CSMD1: variants seen among roughly 807,000 people sequenced by gnomAD.
CSMD1 encodes CUB and Sushi multiple domains 1, also known as CUB and sushi domain-containing protein 1.
Under a neutral mutation model 417.5 loss-of-function variants are expected in CSMD1, and 213 were observed. The ratio of observed to expected loss-of-function variants is 0.51; its 90% CI spans 0.46 to 0.57. The LOEUF (loss-of-function observed/expected upper bound fraction) is 0.57. Ranked by LOEUF, CSMD1 falls within the 20% of genes least tolerant of loss-of-function variation. The pLI, the probability that CSMD1 is intolerant of heterozygous loss-of-function variation, is 0.00. For missense variants in CSMD1, 6,923 were observed against 4,529.7 expected (o/e 1.53, Z -15.17); for synonymous variants, 2,862 against 1,736.8 (o/e 1.65, Z -16.11).
intron 1 of CSMD1, among the ~76,000 whole-genome samples, chr8:4,841,753 A>T (rs1277708881): frequency 6.6e-6 from 1 of 151,842 alleles, no homozygotes; most frequent in Non-Finnish European, 1.5e-5. Flanking sequence ...TCTACTAAAA[A>T]TACAAAAATT....
rs765251491 is a variant in CSMD1, at chr8:3,927,428, G to C, written c.818+70475C>G. ...CTACCTGTGGTCCCAACACTTTGTGGTGCCGAGGCAGGTGGATCACAAGGT... is the reference window on the plus strand; with the variant it reads ...CTACCTGTGGTCCCAACACTTTGTGCTGCCGAGGCAGGTGGATCACAAGGT... On this transcript the variant is annotated intron_variant, in intron 5 of 69. Transcript: ENST00000635120. Among the ~76,000 whole-genome samples, 64 of 151,888 alleles carry C rather than the reference G, an allele frequency of 4.2e-4. 1 individual carries two copies. Among genetic ancestry groups the C allele is most frequent in the Admixed American group, 9.9e-4 (15 of 15,204 alleles).
chr8:4,058,474 C>A (rs1386103082), intron 3 of CSMD1, among the ~76,000 whole-genome samples: 2 of 152,172 alleles, frequency 1.3e-5, no homozygotes, highest in African/African-American at 4.8e-5. Context: ...ATCACGTCAT[C>A]TGCAAACAGG....
chr8:3,777,782 C>T (rs1798971294), intron 5 of CSMD1, among the ~76,000 whole-genome samples: 1 of 93,534 alleles, frequency 1.1e-5, no homozygotes, highest in Admixed American at 9.2e-5. Context: ...CCACTCCAGA[C>T]CCACAGCCTC....
At position 3,900,508 on chromosome 8, in the gene CSMD1, G is replaced by A. The variant is rs1414726858; in HGVS notation, c.818+97395C>T. Among the ~76,000 whole-genome samples the A allele has an allele frequency of 1.1e-4, 17 of 149,468 alleles. 1 individual carries two copies. The highest frequency in any genetic ancestry group is 4.2e-4 in the African/African-American group (17 of 40,488). On this transcript the variant is annotated intron_variant, in intron 5 of 69. Transcript: ENST00000635120. ...TTGACAGTGTAGCTGGGTGACAGTA[G>A]AGCTGGATGACACTACAGCTGGGTG...
chr8:4,038,060 C>T (rs1425393116), intron 3 of CSMD1, among the ~76,000 whole-genome samples: 1 of 151,898 alleles, frequency 6.6e-6, no homozygotes, highest in Admixed American at 6.6e-5. Flanking sequence ...AAAATTAATT[C>T]AAAAAGTTTG....
intron 1 of CSMD1, among the ~76,000 whole-genome samples, chr8:4,973,087 C>A (rs1395683331): frequency 6.6e-6 from 1 of 152,016 alleles, no homozygotes; most frequent in Non-Finnish European, 1.5e-5. Context: ...AGTGCTTGGG[C>A]AATCAAAGGA....
At chr8:4,899,199 C>G (rs534866169) in intron 1 of CSMD1, among the ~76,000 whole-genome samples, 73 of 152,250 alleles carry the variant, frequency 4.8e-4, no homozygotes, top group South Asian at 1.0e-3. Context: ...TATGTCCTAT[C>G]GGAAGAAACA....
intron 3 of CSMD1, among the ~76,000 whole-genome samples, chr8:4,224,141 T>C (rs1206512058): frequency 4.6e-5 from 7 of 152,184 alleles, no homozygotes; most frequent in Non-Finnish European, 1.0e-4. Context: ...GACACTTAAC[T>C]TTGTTTCGCT....
At chr8:3,237,722 TACTAC>T (rs370789139) in intron 26 of CSMD1, among the ~76,000 whole-genome samples, 1,775 of 141,702 alleles carry the variant, frequency 0.013, 126 homozygotes, top group Middle Eastern at 0.028. Flanking sequence ...ATTATACTTA[TACTAC>T]AAATATAATT....
chr8:3,470,653 T>C (rs1487428315), intron 11 of CSMD1, among the ~76,000 whole-genome samples: 1 of 152,130 alleles, frequency 6.6e-6, no homozygotes, highest in East Asian at 1.9e-4. Flanking sequence ...TGCTCTTCCC[T>C]TAAAATCACA....
chr8:3,692,769 T>C (rs1800322996), intron 7 of CSMD1, among the ~76,000 whole-genome samples: 1 of 152,168 alleles, frequency 6.6e-6, no homozygotes, highest in Non-Finnish European at 1.5e-5. Flanking sequence ...CTGAGGCCCA[T>C]GTGCCTTTTA....
chr8:3,000,996 T>G (rs1360817129), intron 52 of CSMD1, among the ~76,000 whole-genome samples: 1 of 151,976 alleles, frequency 6.6e-6, no homozygotes, highest in Non-Finnish European at 1.5e-5. Flanking sequence ...TTCTTTTTTT[T>G]TTTGGCAGGG....
intron 3 of CSMD1, among the ~76,000 whole-genome samples, chr8:4,343,704 C>G (rs1042837604): frequency 2.6e-5 from 4 of 152,024 alleles, no homozygotes; most frequent in African/African-American, 9.7e-5. Flanking sequence ...TTTCTTTTCA[C>G]CAGGGGAGCT....
intron 1 of CSMD1, among the ~76,000 whole-genome samples, chr8:4,842,247 C>A (rs117955299): frequency 3.3e-5 from 5 of 152,294 alleles, no homozygotes; most frequent in Non-Finnish European, 5.9e-5. Context: ...GAAGTCAAAG[C>A]TTATTTTCAT....
At chr8:3,522,147 C>CA (rs1797535495) in intron 10 of CSMD1, among the ~76,000 whole-genome samples, 1 of 152,088 alleles carries the variant, frequency 6.6e-6, no homozygotes, top group Non-Finnish European at 1.5e-5. Context: ...ACTCTGACTG[C>CA]AAAGTCAAAT....
intron 10 of CSMD1, among the ~76,000 whole-genome samples, chr8:3,518,746 G>C (rs950138907): frequency 6.6e-5 from 10 of 152,190 alleles, no homozygotes; most frequent in Non-Finnish European, 1.2e-4. Context: ...ATGTGGAGAA[G>C]AACAGTTCAT....
chr8:3,370,518 G>C (rs575752821), intron 18 of CSMD1, among the ~76,000 whole-genome samples: 1 of 152,200 alleles, frequency 6.6e-6, no homozygotes, highest in Non-Finnish European at 1.5e-5. Flanking sequence ...GTGCCAGTGT[G>C]ACTGGGCTAA....
chr8:3,071,988 T>C (rs554161824), intron 49 of CSMD1, among the ~76,000 whole-genome samples: 1 of 152,202 alleles, frequency 6.6e-6, no homozygotes, highest in African/African-American at 2.4e-5. Flanking sequence ...GCATGTATAA[T>C]CCACTGGTCT....
At chr8:4,602,889 T>A (rs1465820133) in intron 2 of CSMD1, among the ~76,000 whole-genome samples, 1 of 151,862 alleles carries the variant, frequency 6.6e-6, no homozygotes, top group Non-Finnish European at 1.5e-5. Context: ...AATAACGCTA[T>A]CATATAATGA....
Sources: allele counts gnomAD v4.1 joint callset (sites outside exome capture counted in the v4.1 genomes callset), GRCh38; gene constraint gnomAD v4.1.1; transcripts MANE v1.5; gene names NCBI Gene and HGNC (gene_info 2026-07-23, HGNC 2026-07-21).